The following CD226 variants were observed in gnomAD, a reference collection of about 807,000 sequenced individuals.
The protein encoded by CD226 is CD226 antigen.
In CD226, 24 loss-of-function variants were observed where a neutral mutation model predicts 34.9. That is an observed-to-expected ratio of 0.69 (90% CI 0.50 to 0.97). The LOEUF is 0.97. Among genes scored for constraint, CD226 ranks in the 50% least tolerant of loss-of-function variants. The pLI is 0.00. For missense variants in CD226, 397 were observed against 412.7 expected, an observed-to-expected ratio of 0.96 and a Z score of 0.33; for synonymous variants, 148 against 147.4, an observed-to-expected ratio of 1.00 and a Z score of -0.03.
chr18:69,942,735 G>A (rs1323961662), intron 2 of CD226, among the ~76,000 whole-genome samples: 2 of 152,152 alleles, frequency 1.3e-5, no homozygotes, highest in South Asian at 2.1e-4. Flanking sequence ...CTCTGTGGGT[G>A]TAGGGGGCCT....
intron 3 of CD226, among the ~76,000 whole-genome samples, chr18:69,879,827 C>G (rs562540322): frequency 6.6e-6 from 1 of 152,344 alleles, no homozygotes; most frequent in African/African-American, 2.4e-5. Flanking sequence ...TTCAGGTTCC[C>G]TGACTTCCCA....
intron 4 of CD226, among the ~76,000 whole-genome samples, chr18:69,871,177 G>C (rs948199453): frequency 6.6e-6 from 1 of 152,224 alleles, no homozygotes; most frequent in African/African-American, 2.4e-5. Flanking sequence ...AGTCACATTT[G>C]CCCGGTTCCC....
chr18:69,909,645 C>A (rs923854306), intron 2 of CD226, among the ~76,000 whole-genome samples: 6 of 151,976 alleles, frequency 3.9e-5, no homozygotes, highest in Non-Finnish European at 1.5e-5. Flanking sequence ...AGCAAGTAGC[C>A]CAGAAAAAAC....
intron 3 of CD226, among the ~76,000 whole-genome samples, chr18:69,891,502 A>G (rs1037095615): frequency 6.6e-6 from 1 of 152,192 alleles, no homozygotes; most frequent in African/African-American, 2.4e-5. Context: ...AAACAAGAAA[A>G]AGAAAACAAA....
upstream of CD226, among the ~76,000 whole-genome samples, chr18:69,952,842 T>A (rs2055865527): frequency 6.6e-6 from 1 of 152,222 alleles, no homozygotes; most frequent in Non-Finnish European, 1.5e-5. Flanking sequence ...TTGCAAATAA[T>A]CTATCTGATT....
At chr18:69,891,793 A>G (rs1984919701) in intron 3 of CD226, among the ~76,000 whole-genome samples, 1 of 152,260 alleles carries the variant, frequency 6.6e-6, no homozygotes, top group Non-Finnish European at 1.5e-5. Flanking sequence ...AATGTTAAAG[A>G]CTTGCACACT....
chr18:69,878,992 G>A (rs1207318179), intron 3 of CD226, among the ~76,000 whole-genome samples: 1 of 152,132 alleles, frequency 6.6e-6, no homozygotes, highest in African/African-American at 2.4e-5. Flanking sequence ...TCACATGTTG[G>A]CAGGTTCCGT....
At position 69,853,344 on chromosome 18, in the gene CD226, C is replaced by T. The variant is rs978461013; in HGVS notation, c.*10970G>A. ...TCTTAAAAAACATTCCACAAACAAA[C>T]GTTGCATAAAAGGCCTCAGGACGTA... On this transcript the variant is annotated 3_prime_UTR_variant, in exon 6 of 6. Coordinates refer to ENST00000582621, the MANE Select transcript of CD226 (RefSeq NM_001303618.2). 1 of 152,128 alleles carries T rather than the reference C, an allele frequency of 6.6e-6. No homozygotes were observed. The highest frequency in any genetic ancestry group is 2.4e-5 in the African/African-American group (1 of 41,418). 9.4% of individuals were successfully genotyped at this position (152,128 alleles called of 1,614,324 possible).
intron 2 of CD226, among the ~76,000 whole-genome samples, chr18:69,945,787 GT>G: frequency 6.6e-6 from 1 of 152,254 alleles, no homozygotes; most frequent in East Asian, 1.9e-4. Flanking sequence ...AAAGAAAGAG[GT>G]TTAATTGGAC....
intron 2 of CD226, among the ~76,000 whole-genome samples, chr18:69,939,627 T>C (rs888180351): frequency 3.9e-5 from 6 of 152,244 alleles, no homozygotes; most frequent in Non-Finnish European, 5.9e-5. Context: ...GTAGAATTAT[T>C]GGATCATAGG....
chr18:69,927,556 G>A (rs776521138), intron 2 of CD226, among the ~76,000 whole-genome samples: 8 of 151,536 alleles, frequency 5.3e-5, no homozygotes, highest in African/African-American at 9.7e-5. Flanking sequence ...CCCCACCCCC[G>A]ACAACTACCA....
upstream of CD226, among the ~76,000 whole-genome samples, chr18:69,960,641 G>A (rs540914811): frequency 6.6e-6 from 1 of 152,146 alleles, no homozygotes; most frequent in Non-Finnish European, 1.5e-5. Flanking sequence ...GTAGAAACAG[G>A]GTTTTGCCTT....
intron 2 of CD226, among the ~76,000 whole-genome samples, chr18:69,940,356 A>G (rs150029906): frequency 6.6e-6 from 1 of 152,340 alleles, no homozygotes; most frequent in Non-Finnish European, 1.5e-5. Flanking sequence ...AAAGATATCC[A>G]CAAGTGTGAA....
In CD226 at chr18:69,945,020, G is replaced by C. The variant is rs149873155; in HGVS notation, c.382+1714C>G. ...ATATAATTCTGTACTTGTTCTTTTA[G>C]AGCACAGATCCCTTAAAAATAAAGC... On this transcript the variant is annotated intron_variant, in intron 2 of 5. Coordinates refer to ENST00000582621, the MANE Select transcript of CD226 (RefSeq NM_001303618.2). 6.9e-3 allele frequency among the ~76,000 whole-genome samples: 1,051 copies of C among 152,182 alleles called. 10 individuals are homozygous for C. Among genetic ancestry groups the C allele is most frequent in the African/African-American group, 0.024 (989 of 41,522 alleles).
At chr18:69,957,922 G>A (rs548894618), upstream of CD226, among the ~76,000 whole-genome samples, 54 of 152,266 alleles carry the variant, frequency 3.5e-4, no homozygotes, top group African/African-American at 1.3e-3. Context: ...CATTTTCCCA[G>A]TGTTATGTCT....
intron 2 of CD226, among the ~76,000 whole-genome samples, chr18:69,900,926 C>A: frequency 6.6e-6 from 1 of 152,170 alleles, no homozygotes; most frequent in East Asian, 1.9e-4. Context: ...CATGCCTAAA[C>A]GAATTGAGAG....
At chr18:69,909,520 A>C (rs907466891) in intron 2 of CD226, among the ~76,000 whole-genome samples, 2 of 152,258 alleles carry the variant, frequency 1.3e-5, no homozygotes, top group African/African-American at 4.8e-5. Flanking sequence ...AAGAGGCTGA[A>C]ATTATTTAGT....
intron 2 of CD226, among the ~76,000 whole-genome samples, chr18:69,919,486 T>C (rs1490710445): frequency 6.6e-6 from 1 of 152,174 alleles, no homozygotes; most frequent in Non-Finnish European, 1.5e-5. Flanking sequence ...ATCCAGGAAG[T>C]AGACAAAACT....
chr18:69,874,786 C>T (rs958947431), intron 3 of CD226, among the ~76,000 whole-genome samples: 10 of 152,128 alleles, frequency 6.6e-5, no homozygotes, highest in African/African-American at 2.2e-4. Context: ...TATTTTTAAA[C>T]GTTTTAGACC....
Sources: allele counts gnomAD v4.1 joint callset (sites outside exome capture counted in the v4.1 genomes callset), GRCh38; gene constraint gnomAD v4.1.1; transcripts MANE v1.5; gene names NCBI Gene and HGNC (gene_info 2026-07-23, HGNC 2026-07-21).